Variants in UBR3 observed in about 807,000 individuals in gnomAD.
UBR3 encodes the protein ubiquitin protein ligase E3 component n-recognin 3.
UBR3 carries 85 observed loss-of-function variants against 243.2 expected under a neutral mutation model. That is an observed-to-expected ratio of 0.35 (90% CI 0.29 to 0.42). The LOEUF (loss-of-function observed/expected upper bound fraction) is 0.42. Among genes scored for constraint, UBR3 ranks in the 10% least tolerant of loss-of-function variants. The pLI is 1.00. For synonymous variants in UBR3, 748 were observed against 799.8 expected (o/e 0.94, Z 1.09); for missense variants, 1,686 against 2,300.8 (o/e 0.73, Z 5.47).
At chr2:170,020,699 T>G (rs994313102) in intron 30 of UBR3, among the ~76,000 whole-genome samples, 2 of 152,228 alleles carry the variant, frequency 1.3e-5, no homozygotes, top group Non-Finnish European at 2.9e-5. Flanking sequence ...GAATTATACT[T>G]TATCTACAGT....
At chr2:169,857,062 ATG>A (rs2082900549) in intron 1 of UBR3, among the ~76,000 whole-genome samples, 9 of 28,500 alleles carry the variant, frequency 3.2e-4, no homozygotes, top group African/African-American at 8.3e-4. Context: ...TAATTTTATT[ATG>A]TTTTTTTTTT....
chr2:169,950,117 T>C lies in UBR3; in HGVS notation c.3545+52T>C, dbSNP rs138921581. 9 of 1,475,018 alleles carry C rather than the reference T, an allele frequency of 6.1e-6. No homozygotes were observed. In the African/African-American group the frequency reaches 1.1e-4, roughly 18 times the overall value. 91.4% of individuals were successfully genotyped at this position (1,475,018 alleles called of 1,614,324 possible). ...CGTGTGTATAGTTGAAAATTTGATA[T>C]TTTCTTCCTTTTGGTCATTTGAGGA... On this transcript the variant is annotated intron_variant, in intron 23 of 38. Transcript: ENST00000272793.
chr2:169,834,895 C>T (rs1346409624), intron 1 of UBR3, among the ~76,000 whole-genome samples: 1 of 152,096 alleles, frequency 6.6e-6, no homozygotes, highest in Non-Finnish European at 1.5e-5. Flanking sequence ...GACCTTATGC[C>T]AAATGAAATA....
rs191705920 is a variant in UBR3, at chr2:169,986,938, T to C, written c.3784+144T>C. ...TCAGTTTAGATCCAAATAACAAAGA[T>C]TCTTTATCGGTTATATCTTATTTTC... On this transcript the variant is annotated intron_variant, in intron 25 of 38. Transcript: ENST00000272793. 5.6e-3 allele frequency: 4,667 copies of C among 835,352 alleles called. 23 individuals carry two copies. Among genetic ancestry groups the C allele is most frequent in the Admixed American group, 7.7e-3 (252 of 32,644 alleles). The allele number at this position is 835,352 out of a possible 1,614,324, so 51.7% of individuals were successfully genotyped here.
chr2:170,077,620 C>T (rs1255472199), intron 36 of UBR3: 1 of 472,422 alleles, frequency 2.1e-6, no homozygotes, highest in East Asian at 3.6e-5. Context: ...GAGTCTCACT[C>T]TGTTGCCCAG....
At chr2:169,830,715 TTTTG>T (rs1409381218) in intron 1 of UBR3, among the ~76,000 whole-genome samples, 4 of 152,162 alleles carry the variant, frequency 2.6e-5, no homozygotes, top group African/African-American at 7.2e-5. Context: ...TTTAAACTTT[TTTTG>T]TTTGTTTTGT....
At chr2:169,851,151 G>A (rs769789260) in intron 1 of UBR3, among the ~76,000 whole-genome samples, 1 of 152,010 alleles carries the variant, frequency 6.6e-6, no homozygotes, top group African/African-American at 2.4e-5. Context: ...CTGAGACAGG[G>A]TCTCGTTCTG....
intron 27 of UBR3, 77 bp from the exon 28 acceptor site, chr2:170,006,913 C>A: frequency 8.3e-7 from 1 of 1,198,012 alleles, no homozygotes; most frequent in Non-Finnish European, 1.2e-6. Context: ...TATTAATTTA[C>A]TATAAAATGG....
intron 32 of UBR3, among the ~76,000 whole-genome samples, chr2:170,046,896 T>A (rs1041014189): frequency 2.6e-5 from 4 of 152,200 alleles, no homozygotes; most frequent in African/African-American, 9.6e-5. Context: ...TGTCCTTCAG[T>A]CCCATAGTAA....
At chr2:170,002,713 T>TAGAA (rs2089758033) in intron 27 of UBR3, among the ~76,000 whole-genome samples, 1 of 152,214 alleles carries the variant, frequency 6.6e-6, no homozygotes, top group Non-Finnish European at 1.5e-5. Flanking sequence ...TTTTCAGTTT[T>TAGAA]TCTGCCTCTT....
intron 1 of UBR3, among the ~76,000 whole-genome samples, chr2:169,856,358 C>T (rs1174499474): frequency 2.0e-5 from 3 of 150,086 alleles, no homozygotes; most frequent in African/African-American, 7.4e-5. Context: ...ACTGGGCAGC[C>T]GGGCAGAGGG....
intron 19 of UBR3, among the ~76,000 whole-genome samples, chr2:169,939,817 G>A (rs1193107520): frequency 1.4e-5 from 2 of 145,490 alleles, no homozygotes; most frequent in African/African-American, 5.1e-5. Context: ...TGCTTGCCTT[G>A]GCCTCCCAAA....
intron 24 of UBR3, among the ~76,000 whole-genome samples, chr2:169,974,739 A>G (rs1004946212): frequency 6.6e-6 from 1 of 152,126 alleles, no homozygotes; most frequent in African/African-American, 2.4e-5. Flanking sequence ...TCCTTGAGAT[A>G]CATTATTAGG....
chr2:169,838,946 G>A (rs2082203236), intron 1 of UBR3, among the ~76,000 whole-genome samples: 1 of 152,198 alleles, frequency 6.6e-6, no homozygotes, highest in Non-Finnish European at 1.5e-5. Context: ...TACAGCCACT[G>A]TGGAGAACAG....
intron 19 of UBR3, among the ~76,000 whole-genome samples, chr2:169,934,825 T>C (rs958465058): frequency 6.6e-6 from 1 of 152,210 alleles, no homozygotes; most frequent in African/African-American, 2.4e-5. Flanking sequence ...AGCCGTTTGC[T>C]TTATGTGATG....
intron 33 of UBR3, among the ~76,000 whole-genome samples, chr2:170,056,255 C>CT (rs1477289792): frequency 1.3e-5 from 2 of 152,120 alleles, no homozygotes; most frequent in Non-Finnish European, 2.9e-5. Flanking sequence ...ATCCGCCCAC[C>CT]TCAGCCTCCC....
rs1236620405 is a variant in UBR3, at chr2:169,946,289, T to C, written c.2807T>C (p.Ile936Thr). ...AGGCATTTTCTTCCCTTTTTAAAGA[T>C]TTTGATGGATCATCAAAATCTGTCA... is the stretch of plus-strand genomic sequence containing the variant. ...HIVLFTLLYK[I>T]LMDHQNLSEH... Residue 936 changes from isoleucine (I) to threonine (T), a missense_variant and splice_region_variant, in exon 21 of 39, where the codon ATT (isoleucine) becomes ACT (threonine). Around this residue, in one of 8 missense-constraint regions of UBR3, gnomAD observed 300 missense variants for 314.4 expected, o/e 0.95. Transcript: ENST00000272793. The C allele has an allele frequency of 6.8e-6, 10 of 1,479,962 alleles. No individual in the cohort carries two copies. Among genetic ancestry groups the C allele is most frequent in the Non-Finnish European group, 9.0e-6 (10 of 1,112,504 alleles). The allele number at this position is 1,479,962 out of a possible 1,614,324, so 91.7% of individuals were successfully genotyped here.
intron 26 of UBR3, among the ~76,000 whole-genome samples, chr2:169,996,108 A>G (rs1323895201): frequency 6.6e-6 from 1 of 152,264 alleles, no homozygotes; most frequent in African/African-American, 2.4e-5. Flanking sequence ...AAGACAGAAT[A>G]CATAATCAGA....
chr2:169,894,958 A>G (rs890040678), intron 6 of UBR3, among the ~76,000 whole-genome samples: 17 of 151,678 alleles, frequency 1.1e-4, no homozygotes, highest in African/African-American at 4.1e-4. Flanking sequence ...CCCCCCATTC[A>G]TTTTTCCACT....
Sources: gnomAD v4.1 joint callset for allele counts (sites outside exome capture counted in the v4.1 genomes callset) on GRCh38, gnomAD v4.1.1 for gene constraint, gnomAD v4.1.1 regional missense constraint, MANE v1.5 for transcripts, NCBI Gene and HGNC (gene_info 2026-07-23, HGNC 2026-07-21) for gene names.